The following FRMD4A variants were observed in gnomAD, a reference collection of about 807,000 sequenced individuals.
The protein encoded by FRMD4A is FERM domain containing 4A.
In FRMD4A, 29 loss-of-function variants were observed where a neutral mutation model predicts 129.1. That is an observed-to-expected ratio of 0.22 (90% CI 0.17 to 0.31). The LOEUF (loss-of-function observed/expected upper bound fraction) is 0.31. FRMD4A is among the 10% of genes least tolerant of loss of function. The pLI, the probability that FRMD4A is intolerant of heterozygous loss-of-function variation, is 1.00. For synonymous variants in FRMD4A, 634 were observed against 571.6 expected (o/e 1.11, Z -1.56); for missense variants, 1,272 against 1,375.8 (o/e 0.92, Z 1.19).
intron 2 of FRMD4A, among the ~76,000 whole-genome samples, chr10:14,105,528 T>C (rs1837542392): frequency 6.6e-6 from 1 of 152,222 alleles, no homozygotes; most frequent in African/African-American, 2.4e-5. Context: ...CATTGTCACT[T>C]ATAACATTGT....
At position 14,165,956 on chromosome 10, in the gene FRMD4A, A is replaced by G. The variant is rs1053680968; in HGVS notation, c.45+164102T>C. Among the ~76,000 whole-genome samples, 4 of 152,280 alleles carry G rather than the reference A, an allele frequency of 2.6e-5. No homozygotes were observed. In the East Asian group the frequency reaches 5.8e-4, roughly 22 times the overall value. On this transcript the variant is annotated intron_variant, in intron 2 of 24. Transcript: ENST00000357447. ...CAACAGAAGCCCAAACCTTAGCATC[A>G]TGCAATCTAGCCCTTGTAACAAACG...
At chr10:13,967,590 C>T (rs1399241823) in intron 2 of FRMD4A, among the ~76,000 whole-genome samples, 6 of 152,176 alleles carry the variant, frequency 3.9e-5, no homozygotes, top group African/African-American at 1.4e-4. Context: ...GGATTGGTTG[C>T]CTCGGATGTG....
intron 3 of FRMD4A, among the ~76,000 whole-genome samples, chr10:13,850,230 T>G (rs1046302966): frequency 1.3e-5 from 2 of 152,160 alleles, no homozygotes; most frequent in Non-Finnish European, 2.9e-5. Flanking sequence ...GAACCAAGTT[T>G]ATTCACCTAT....
rs2082443238 is a variant in FRMD4A, at chr10:13,659,381, T to C, written c.2008A>G (p.Ser670Gly). The C allele has an allele frequency of 1.2e-6, 2 of 1,614,160 alleles. No homozygotes were observed. Among genetic ancestry groups the C allele is most frequent in the Non-Finnish European group, 1.7e-6 (2 of 1,179,972 alleles). The part of the protein sequence containing the change: ...RGLPHWNSQS[S>G]MPSTPDLRVR... ...CGCAGGTCTGGCGTGGACGGCATGC[T>C]GGACTGGGAGTTCCAGTGCGGGAGG... Residue 670 changes from serine to glycine, a missense_variant, in exon 21 of 25, where the codon AGC (serine) becomes GGC (glycine). Coordinates refer to ENST00000357447, the MANE Select transcript of FRMD4A (RefSeq NM_018027.5).
chr10:13,868,482 T>C (rs545047644), intron 2 of FRMD4A, among the ~76,000 whole-genome samples: 4 of 152,242 alleles, frequency 2.6e-5, no homozygotes, highest in Admixed American at 2.0e-4. Context: ...CCTGTCTTTA[T>C]TGTGACTCTC....
chr10:14,296,965 G>T (rs1021948025), intron 2 of FRMD4A, among the ~76,000 whole-genome samples: 1 of 152,122 alleles, frequency 6.6e-6, no homozygotes, highest in Non-Finnish European at 1.5e-5. Flanking sequence ...AACTCTCCGA[G>T]CCCAGACACA....
intron 2 of FRMD4A, among the ~76,000 whole-genome samples, chr10:14,115,651 G>C (rs1444500706): frequency 6.6e-6 from 1 of 152,028 alleles, no homozygotes; most frequent in African/African-American, 2.4e-5. Flanking sequence ...GTGAGTTCTC[G>C]CTCTTAGTTT....
intron 2 of FRMD4A, among the ~76,000 whole-genome samples, chr10:14,066,370 C>A (rs1371306888): frequency 6.6e-6 from 1 of 152,064 alleles, no homozygotes; most frequent in Non-Finnish European, 1.5e-5. Flanking sequence ...GGATCTGTTT[C>A]CTCAGTTCAG....
chr10:14,100,056 C>A (rs555532120), intron 2 of FRMD4A, among the ~76,000 whole-genome samples: 2 of 152,230 alleles, frequency 1.3e-5, no homozygotes, highest in East Asian at 1.9e-4. Context: ...CCCCCACGTG[C>A]CAGACAGGCG....
intron 2 of FRMD4A, among the ~76,000 whole-genome samples, chr10:13,962,859 G>A (rs1349189456): frequency 3.9e-5 from 6 of 152,174 alleles, no homozygotes; most frequent in Non-Finnish European, 5.9e-5. Flanking sequence ...TCCAAACAAA[G>A]TATTATTTAC....
intron 2 of FRMD4A, among the ~76,000 whole-genome samples, chr10:14,125,396 A>G (rs1320632618): frequency 6.6e-6 from 1 of 152,152 alleles, no homozygotes; most frequent in Non-Finnish European, 1.5e-5. Context: ...CCCAAAGACA[A>G]CAGGATGACA....
chr10:14,035,877 T>C (rs1833475536), intron 2 of FRMD4A, among the ~76,000 whole-genome samples: 1 of 151,980 alleles, frequency 6.6e-6, no homozygotes. Context: ...ACCATCTCAA[T>C]GCCAAAATAC....
intron 2 of FRMD4A, among the ~76,000 whole-genome samples, chr10:14,094,843 T>A (rs1031442909): frequency 7.9e-5 from 12 of 152,194 alleles, no homozygotes; most frequent in African/African-American, 2.7e-4. Flanking sequence ...CCCATGTGTG[T>A]GTATGCATGC....
intron 2 of FRMD4A, among the ~76,000 whole-genome samples, chr10:14,229,156 G>T (rs551395680): frequency 6.6e-6 from 1 of 151,872 alleles, no homozygotes; most frequent in East Asian, 1.9e-4. Context: ...GGTGGGAGGG[G>T]AAGAGACCCT....
intron 2 of FRMD4A, among the ~76,000 whole-genome samples, chr10:14,218,356 C>G (rs1324532111): frequency 6.6e-6 from 1 of 152,192 alleles, no homozygotes; most frequent in Non-Finnish European, 1.5e-5. Context: ...AATGTTCATT[C>G]TCTGCCACAG....
intron 2 of FRMD4A, among the ~76,000 whole-genome samples, chr10:13,979,681 G>C (rs2095553851): frequency 7.0e-6 from 1 of 142,454 alleles, no homozygotes. Context: ...AGTTTTCAAT[G>C]CTCTATTCAT....
intron 3 of FRMD4A, among the ~76,000 whole-genome samples, chr10:13,840,446 T>C (rs1238685813): frequency 6.6e-6 from 1 of 152,142 alleles, no homozygotes; most frequent in Non-Finnish European, 1.5e-5. Flanking sequence ...ACCCAGTCTA[T>C]GGGATTTTGT....
chr10:13,652,635 A>G (rs925284045), intron 23 of FRMD4A: 5 of 152,448 alleles, frequency 3.3e-5, no homozygotes, highest in African/African-American at 7.2e-5. Context: ...AGGGGCAGCT[A>G]CTGTCCAACA....
chr10:13,656,166 C>T (rs888833864), intron 22 of FRMD4A, among the ~76,000 whole-genome samples: 1 of 152,196 alleles, frequency 6.6e-6, no homozygotes, highest in East Asian at 1.9e-4. Context: ...ATTAGCCAGT[C>T]TGCCCCCATC....
Sources: allele counts gnomAD v4.1 joint callset (sites outside exome capture counted in the v4.1 genomes callset), GRCh38; gene constraint gnomAD v4.1.1; transcripts MANE v1.5; gene names NCBI Gene and HGNC (gene_info 2026-07-23, HGNC 2026-07-21).